Variants in FSTL5 observed in about 807,000 individuals in gnomAD.
FSTL5 encodes follistatin like 5.
A neutral mutation model predicts 89.1 loss-of-function variants in FSTL5; 62 were observed. The observed-to-expected ratio is 0.70, with a 90% CI of 0.57 to 0.86. The LOEUF (loss-of-function observed/expected upper bound fraction) is 0.86. Among genes scored for constraint, FSTL5 ranks in the 40% least tolerant of loss-of-function variants. The pLI, the probability that FSTL5 is intolerant of heterozygous loss-of-function variation, is 0.00. For missense variants in FSTL5, 1,057 were observed against 1,001.6 expected (o/e 1.06, Z -0.75); for synonymous variants, 383 against 346.2 (o/e 1.11, Z -1.18).
At chr4:162,084,375 GA>G (rs1192845200) in intron 2 of FSTL5, among the ~76,000 whole-genome samples, 2 of 151,812 alleles carry the variant, frequency 1.3e-5, no homozygotes, top group Non-Finnish European at 2.9e-5. Flanking sequence ...AATAACATTT[GA>G]AAACCAGTCA....
At chr4:162,080,594 A>T (rs1270839337) in intron 2 of FSTL5, among the ~76,000 whole-genome samples, 1 of 151,642 alleles carries the variant, frequency 6.6e-6, no homozygotes, top group Admixed American at 6.6e-5. Flanking sequence ...TTTTCCTTAA[A>T]GTTAGTTATA....
At chr4:161,469,640 ATT>A (rs34810071) in intron 13 of FSTL5, among the ~76,000 whole-genome samples, 4,330 of 136,002 alleles carry the variant, frequency 0.032, 89 homozygotes, top group Non-Finnish European at 0.047. Flanking sequence ...TTATTTATCT[ATT>A]TTTTTTTTTT....
At chr4:161,725,017 A>G (rs1435255460) in intron 6 of FSTL5, among the ~76,000 whole-genome samples, 4 of 152,092 alleles carry the variant, frequency 2.6e-5, no homozygotes, top group Non-Finnish European at 2.9e-5. Flanking sequence ...CAACATGGTG[A>G]AACTCCCGTC....
intron 4 of FSTL5, among the ~76,000 whole-genome samples, chr4:161,819,646 A>T (rs1387792341): frequency 6.6e-6 from 1 of 151,472 alleles, no homozygotes. Context: ...AGTTTAATGA[A>T]GAAAATTTGG....
intron 12 of FSTL5, among the ~76,000 whole-genome samples, chr4:161,488,974 ACCTGAAAAT>A (rs2126466231): frequency 6.6e-6 from 1 of 152,152 alleles, no homozygotes; most frequent in East Asian, 1.9e-4. Context: ...TCATTTCTTT[ACCTGAAAAT>A]CGAGAGGATT....
At chr4:161,981,004 C>T (rs1338839280) in intron 3 of FSTL5, among the ~76,000 whole-genome samples, 1 of 152,038 alleles carries the variant, frequency 6.6e-6, no homozygotes, top group Non-Finnish European at 1.5e-5. Flanking sequence ...AGATGATCTG[C>T]CTGCCTTGGC....
chr4:161,547,977 C>T (rs1238666861), intron 8 of FSTL5, among the ~76,000 whole-genome samples: 20 of 151,724 alleles, frequency 1.3e-4, no homozygotes. Context: ...GGTGCTCAAA[C>T]CCTTTTTGAA....
chr4:161,894,954 A>G (rs908871310), intron 4 of FSTL5, among the ~76,000 whole-genome samples: 16 of 152,230 alleles, frequency 1.1e-4, no homozygotes, highest in Admixed American at 5.9e-4. Context: ...TGAAAAATCA[A>G]TCATTATAAT....
chr4:161,610,660 G>A (rs1734601220), intron 7 of FSTL5, among the ~76,000 whole-genome samples: 1 of 152,082 alleles, frequency 6.6e-6, no homozygotes. Flanking sequence ...GTAATCAAAT[G>A]GAGAGATGTT....
chr4:162,119,000 G>A (rs181542656), intron 1 of FSTL5, among the ~76,000 whole-genome samples: 2 of 152,236 alleles, frequency 1.3e-5, no homozygotes, highest in East Asian at 3.9e-4. Context: ...AGAACCTCCT[G>A]AGGCCAGAAA....
At chr4:161,964,870 T>A (rs80280335) in intron 3 of FSTL5, among the ~76,000 whole-genome samples, 8,623 of 152,072 alleles carry the variant, frequency 0.057, 333 homozygotes, top group South Asian at 0.086. Flanking sequence ...CTTATTTACT[T>A]TTTCCTGAGC....
Position 162,141,169 on chromosome 4 carries a change from T to A in FSTL5, c.-17+22446A>T, listed in dbSNP as rs1056153748. 4.2e-5 allele frequency among the ~76,000 whole-genome samples: 3 copies of A among 71,066 alleles called. 1 individual carries two copies. Among genetic ancestry groups the A allele is most frequent in the Non-Finnish European group, 8.7e-5 (3 of 34,370 alleles). The allele number at this position is 71,066 out of a possible 152,430, so 46.6% of individuals were successfully genotyped here. On this transcript the variant is annotated intron_variant, in intron 1 of 15. Transcript: ENST00000306100. The stretch of plus-strand genomic sequence containing the variant: ...TTTCGCTCTGTCGCCCAGGCTGGAG[T>A]GCAGTGGCGCGATCTCGACTCACTG...
At position 161,932,901 on chromosome 4, in the gene FSTL5, C is replaced by T. The variant is rs118010852; in HGVS notation, c.161-12249G>A. Among the ~76,000 whole-genome samples, 5 of 151,986 alleles carry T rather than the reference C, an allele frequency of 3.3e-5. No individual in the cohort carries two copies. In the East Asian group the frequency reaches 7.7e-4, roughly 24 times the overall value. ...CTTCTAAATGTTTGATTGTTCTTCC[C>T]ATCACTAGCTTTTGGTCACATTCAA... On this transcript the variant is annotated intron_variant, in intron 3 of 15. Transcript: ENST00000306100.
chr4:161,663,579 T>G (rs961461192), intron 6 of FSTL5, among the ~76,000 whole-genome samples: 1 of 152,166 alleles, frequency 6.6e-6, no homozygotes, highest in African/African-American at 2.4e-5. Context: ...CCTGTGGCAT[T>G]GCAGGGTACA....
At chr4:161,907,358 C>T (rs536549428) in intron 4 of FSTL5, among the ~76,000 whole-genome samples, 46 of 152,048 alleles carry the variant, frequency 3.0e-4, no homozygotes, top group Admixed American at 1.0e-3. Flanking sequence ...TTAACACACA[C>T]GATTTTATTT....
At chr4:161,742,695 T>C (rs1398498624) in intron 6 of FSTL5, among the ~76,000 whole-genome samples, 1 of 152,164 alleles carries the variant, frequency 6.6e-6, no homozygotes, top group East Asian at 1.9e-4. Context: ...ATGAGTATGA[T>C]AAGATTCACA....
intron 4 of FSTL5, among the ~76,000 whole-genome samples, chr4:161,814,529 A>G (rs1043612729): frequency 6.6e-6 from 1 of 152,114 alleles, no homozygotes; most frequent in Non-Finnish European, 1.5e-5. Context: ...TATTTCTACA[A>G]AACAACTGGA....
At chr4:161,648,155 C>T (rs1195467945) in intron 7 of FSTL5, among the ~76,000 whole-genome samples, 2 of 152,180 alleles carry the variant, frequency 1.3e-5, no homozygotes, top group East Asian at 1.9e-4. Flanking sequence ...AAGGCAAGAA[C>T]CTCAGGATAC....
chr4:161,801,946 T>A (rs138444145), intron 4 of FSTL5, among the ~76,000 whole-genome samples: 104 of 151,816 alleles, frequency 6.9e-4, no homozygotes, highest in African/African-American at 2.4e-3. Context: ...GTCTTCACAG[T>A]ATTTAAGAAT....
Sources: allele counts gnomAD v4.1 joint callset (sites outside exome capture counted in the v4.1 genomes callset), GRCh38; gene constraint gnomAD v4.1.1; transcripts MANE v1.5; gene names NCBI Gene and HGNC (gene_info 2026-07-23, HGNC 2026-07-21).